Variants in SMOC2 observed in about 807,000 individuals in gnomAD.
The protein encoded by SMOC2 is SPARC-related modular calcium-binding protein 2.
Under a neutral mutation model 61.4 loss-of-function variants are expected in SMOC2, and 39 were observed. That is an observed-to-expected ratio of 0.64 (90% confidence interval 0.49 to 0.83). The LOEUF (loss-of-function observed/expected upper bound fraction) is 0.83, where lower values mean the gene tolerates loss of function less well. Ranked by LOEUF, SMOC2 falls within the 40% of genes least tolerant of loss-of-function variation. The pLI is 0.00. For missense variants in SMOC2, 556 were observed against 592.9 expected (o/e 0.94, Z 0.65); for synonymous variants, 247 against 239.9 (o/e 1.03, Z -0.27).
rs950443547 is a variant in SMOC2 at position 168,625,025 on chromosome 6, A to G, written c.907+16786A>G. On this transcript the variant is annotated intron_variant, in intron 9 of 12. Transcript: ENST00000356284. ...TGGGTCAGATTGGAATGGGGCTCCA[A>G]TTCCCAAAATGAACAGAGTGATGTG... Among the ~76,000 whole-genome samples the G allele has an allele frequency of 8.5e-5, 13 of 152,260 alleles. No individual in the cohort carries two copies. In the East Asian group the frequency reaches 2.5e-3, roughly 29 times the overall value.
chr6:168,559,884 A>T (rs1335760276), intron 7 of SMOC2, among the ~76,000 whole-genome samples: 1 of 152,212 alleles, frequency 6.6e-6, no homozygotes, highest in Non-Finnish European at 1.5e-5. Context: ...CACCCTTATC[A>T]AGTGCTGACT....
chr6:168,549,157 G>A lies in SMOC2; in HGVS notation c.591G>A (p.Trp197Ter). ...TTGCATCACGTTACCCTACCCTTTG[G>A]ACTGAACAGGTTAAAAGTCGGCAGA... ...EDIASRYPTL[W>*]TEQVKSRQNK... The change falls in exon 7 of 13, where the codon TGG becomes TGA. Residue 197 changes from tryptophan to a stop codon, truncating the protein, a stop_gained. Coordinates refer to ENST00000356284, the MANE Select transcript of SMOC2 (RefSeq NM_001166412.2). LOFTEE classifies it high-confidence loss of function. The A allele has an allele frequency of 6.2e-7, 1 of 1,614,134 alleles. No individual in the cohort carries two copies. The highest frequency in any genetic ancestry group is 8.5e-7 in the Non-Finnish European group (1 of 1,180,008).
At chr6:168,606,712 G>A (rs1406846897) in intron 8 of SMOC2, among the ~76,000 whole-genome samples, 1 of 152,202 alleles carries the variant, frequency 6.6e-6, no homozygotes, top group Admixed American at 6.5e-5. Flanking sequence ...GATGAGAACT[G>A]GCGGAACGCT....
chr6:168,593,825 C>T (rs1194928352), intron 7 of SMOC2, among the ~76,000 whole-genome samples: 1 of 3,924 alleles, frequency 2.5e-4, no homozygotes, highest in African/African-American at 6.6e-4. Context: ...AGAGGATGGC[C>T]GAGCTCCTCC....
At chr6:168,608,805 C>G (rs1421453391) in intron 9 of SMOC2, among the ~76,000 whole-genome samples, 1 of 152,196 alleles carries the variant, frequency 6.6e-6, no homozygotes, top group Non-Finnish European at 1.5e-5. Flanking sequence ...TAAGAAGCTT[C>G]AAAGCTACTT....
Position 168,553,137 on chromosome 6 carries a change from G to C in SMOC2, c.637+3934G>C, listed in dbSNP as rs1310593708. Among the ~76,000 whole-genome samples the C allele has an allele frequency of 6.6e-6, 1 of 152,072 alleles. No homozygotes were observed. Among genetic ancestry groups the C allele is most frequent in the Admixed American group, 6.5e-5 (1 of 15,268 alleles). On this transcript the variant is annotated intron_variant, in intron 7 of 12. Coordinates refer to ENST00000356284, the MANE Select transcript of SMOC2 (RefSeq NM_001166412.2). This position sits in a 1 kb window ranked among gnomAD's most constrained non-coding sequence, Gnocchi z 4.2. The stretch of plus-strand genomic sequence containing the variant: ...AGAGGTTGCCTATTAGACTTATATT[G>C]ATTTAAATTTAATAAATATATAAGT...
intron 1 of SMOC2, among the ~76,000 whole-genome samples, chr6:168,473,594 T>C (rs1249296506): frequency 6.6e-6 from 1 of 152,138 alleles, no homozygotes; most frequent in Non-Finnish European, 1.5e-5. Flanking sequence ...GGAAGCGCAT[T>C]GAACTCCAGG....
intron 1 of SMOC2, among the ~76,000 whole-genome samples, chr6:168,457,858 C>G (rs933211826): frequency 3.9e-5 from 6 of 152,162 alleles, no homozygotes; most frequent in Admixed American, 6.5e-5. Context: ...CCAGTTGTTT[C>G]TTTTTTCATG....
chr6:168,526,468 T>G lies in SMOC2; in HGVS notation c.363+16T>G, dbSNP rs1562328745. On this transcript the variant is annotated intron_variant, in intron 3 of 12. Coordinates refer to ENST00000356284, the MANE Select transcript of SMOC2 (RefSeq NM_001166412.2). ...CTACAGTCAGGTTACCGGCCTTGCT[T>G]GGGAGGTTCTGCACCTGTGCGATTA... 1 of 1,607,186 alleles carries G rather than the reference T, an allele frequency of 6.2e-7. No individual in the cohort carries two copies. Among genetic ancestry groups the G allele is most frequent in the East Asian group, 2.2e-5 (1 of 44,820 alleles).
intron 9 of SMOC2, among the ~76,000 whole-genome samples, chr6:168,610,275 A>G (rs34242936): frequency 0.15 from 23,034 of 152,276 alleles, 2,128 homozygotes; most frequent in Middle Eastern, 0.3. Context: ...GACGAAAACC[A>G]GATTGCTGAG....
intron 4 of SMOC2, among the ~76,000 whole-genome samples, chr6:168,534,850 C>G (rs904838581): frequency 5.9e-5 from 9 of 152,124 alleles, no homozygotes; most frequent in African/African-American, 2.2e-4. Flanking sequence ...CTCCTGTTTT[C>G]TAATAGTTAA....
chr6:168,566,424 A>G (rs1784541325), intron 7 of SMOC2, among the ~76,000 whole-genome samples: 1 of 151,980 alleles, frequency 6.6e-6, no homozygotes, highest in African/African-American at 2.4e-5. Flanking sequence ...ATTTTTAGCT[A>G]AGCTAAAAAG....
intron 9 of SMOC2, among the ~76,000 whole-genome samples, chr6:168,619,889 G>T (rs1192419849): frequency 6.6e-6 from 1 of 152,214 alleles, no homozygotes; most frequent in African/African-American, 2.4e-5. Context: ...CAGTTTACAC[G>T]CTCTGTGTCT....
At chr6:168,620,845 G>C (rs1297660259) in intron 9 of SMOC2, among the ~76,000 whole-genome samples, 1 of 152,188 alleles carries the variant, frequency 6.6e-6, no homozygotes, top group Non-Finnish European at 1.5e-5. Flanking sequence ...AAATGGCCCA[G>C]CTGATAGGAG....
At chr6:168,492,700 T>C (rs562699150) in intron 1 of SMOC2, among the ~76,000 whole-genome samples, 38 of 152,378 alleles carry the variant, frequency 2.5e-4, no homozygotes, top group African/African-American at 8.7e-4. Context: ...GATGACATTT[T>C]AGAGAGAGCA....
chr6:168,459,312 A>C (rs1048818601), intron 1 of SMOC2, among the ~76,000 whole-genome samples: 5 of 152,218 alleles, frequency 3.3e-5, no homozygotes, highest in Admixed American at 2.0e-4. Flanking sequence ...TGAAGGTCAC[A>C]GACGCGCCTG....
intron 9 of SMOC2, among the ~76,000 whole-genome samples, chr6:168,639,347 A>G (rs1418543675): frequency 6.6e-6 from 1 of 152,200 alleles, no homozygotes; most frequent in East Asian, 1.9e-4. Flanking sequence ...TCCATAGTTT[A>G]CGAAAAAGAA....
intron 1 of SMOC2, among the ~76,000 whole-genome samples, chr6:168,483,360 A>G (rs1295960697): frequency 6.6e-6 from 1 of 152,108 alleles, no homozygotes; most frequent in African/African-American, 2.4e-5. Flanking sequence ...AAAAAGTAAA[A>G]TGCTTTGGAA....
intron 1 of SMOC2, among the ~76,000 whole-genome samples, chr6:168,499,030 C>T (rs560224003): frequency 2.2e-3 from 313 of 140,638 alleles, no homozygotes; most frequent in Non-Finnish European, 3.8e-3. Context: ...CCCAGCCCTA[C>T]GAGCCACAGT....
Sources: allele counts gnomAD v4.1 joint callset (sites outside exome capture counted in the v4.1 genomes callset), GRCh38; gene constraint gnomAD v4.1.1; non-coding constraint Gnocchi (gnomAD v3.1); transcripts MANE v1.5; gene names NCBI Gene and HGNC (gene_info 2026-07-23, HGNC 2026-07-21).